The following DLG2 variants were observed in gnomAD, a reference collection of about 807,000 sequenced individuals.
DLG2 encodes disks large homolog 2.
DLG2 carries 45 observed loss-of-function variants against 132.5 expected under a neutral mutation model. The ratio of observed to expected loss-of-function variants is 0.34; its 90% CI spans 0.27 to 0.44. DLG2 has a LOEUF of 0.44. Ranked by LOEUF, DLG2 falls within the 20% of genes least tolerant of loss-of-function variation. The pLI is 1.00. For missense variants in DLG2, 1,045 were observed against 1,196.9 expected (o/e 0.87, Z 1.87); for synonymous variants, 424 against 419.6 (o/e 1.01, Z -0.13).
chr11:84,166,846 A>G (rs1460098676), intron 8 of DLG2: 1 of 510,460 alleles, frequency 2.0e-6, no homozygotes, highest in East Asian at 5.5e-5. Flanking sequence ...CTCATATAAT[A>G]TTCCCAATCA....
Position 84,579,193 on chromosome 11 carries a change from G to A in DLG2, c.358-44462C>T, listed in dbSNP as rs73509195. ...AATACACCTTGCATTATTCACGTGT[G>A]TGTGTGTGTGTGTGTGTGTGTGTGT... On this transcript the variant is annotated intron_variant, in intron 6 of 27. Transcript: ENST00000376104. 2.7e-3 allele frequency among the ~76,000 whole-genome samples: 316 copies of A among 116,778 alleles called. 3 individuals are homozygous for A. The highest frequency in any genetic ancestry group is 8.3e-3 in the African/African-American group (272 of 32,898). 76.6% of individuals were successfully genotyped at this position (116,778 alleles called of 152,430 possible).
intron 6 of DLG2, among the ~76,000 whole-genome samples, chr11:84,757,128 G>A (rs2066989903): frequency 6.6e-6 from 1 of 152,068 alleles, no homozygotes; most frequent in East Asian, 1.9e-4. Flanking sequence ...GTGTTTAGCA[G>A]GAATGAGCTA....
chr11:84,613,061 C>A (rs2099598117), intron 6 of DLG2, among the ~76,000 whole-genome samples: 1 of 152,114 alleles, frequency 6.6e-6, no homozygotes, highest in Non-Finnish European at 1.5e-5. Flanking sequence ...CTCTGTCCTG[C>A]ATTGCTCCGT....
chr11:84,223,287 T>A (rs2096941556), intron 8 of DLG2, among the ~76,000 whole-genome samples: 1 of 152,262 alleles, frequency 6.6e-6, no homozygotes, highest in Non-Finnish European at 1.5e-5. Context: ...TTGCCCTTGA[T>A]AAGACATTGA....
chr11:84,466,609 A>C (rs1197792466), intron 7 of DLG2, among the ~76,000 whole-genome samples: 1 of 151,384 alleles, frequency 6.6e-6, no homozygotes, highest in Non-Finnish European at 1.5e-5. Flanking sequence ...AGGTTGGTAA[A>C]AATTCTAATT....
At chr11:84,313,582 AAAGG>A (rs201234445) in intron 7 of DLG2, among the ~76,000 whole-genome samples, 20,429 of 139,810 alleles carry the variant, frequency 0.15, 1,993 homozygotes, top group East Asian at 0.21. Flanking sequence ...AGAGAGAGAG[AAAGG>A]AAGGAAGGAA....
At chr11:83,947,124 T>C (rs1025912086) in intron 14 of DLG2, among the ~76,000 whole-genome samples, 1 of 152,226 alleles carries the variant, frequency 6.6e-6, no homozygotes, top group African/African-American at 2.4e-5. Flanking sequence ...TGTGCTCATA[T>C]AATGATGGTC....
chr11:83,827,480 A>G (rs117179542), intron 17 of DLG2, among the ~76,000 whole-genome samples: 4,373 of 152,280 alleles, frequency 0.029, 79 homozygotes, highest in Non-Finnish European at 0.042. Flanking sequence ...CTAATTTGGA[A>G]ATCCAGTTAC....
chr11:85,614,115 A>G (rs2081186628), intron 2 of DLG2, among the ~76,000 whole-genome samples: 1 of 152,130 alleles, frequency 6.6e-6, no homozygotes, highest in Non-Finnish European at 1.5e-5. Flanking sequence ...GAACTGTAAC[A>G]CTCACCACGA....
At chr11:85,036,420 T>C (rs183405324) in intron 6 of DLG2, among the ~76,000 whole-genome samples, 280 of 152,334 alleles carry the variant, frequency 1.8e-3, no homozygotes, top group African/African-American at 6.4e-3. Context: ...CATTGGATTA[T>C]GCCTAACACG....
intron 6 of DLG2, among the ~76,000 whole-genome samples, chr11:84,542,147 G>GAGAGAGAGAGAA (rs1369058918): frequency 2.0e-5 from 3 of 152,062 alleles, no homozygotes; most frequent in Middle Eastern, 3.4e-3. Context: ...GAGAGAGAGA[G>GAGAGAGAGAGAA]AGAGAAAGAG....
intron 11 of DLG2, among the ~76,000 whole-genome samples, chr11:84,050,169 T>C (rs912379759): frequency 6.0e-5 from 9 of 150,620 alleles, no homozygotes; most frequent in Admixed American, 1.3e-4. Context: ...TTTTTTTTTT[T>C]TTACCAGGGG....
chr11:84,378,783 CA>C (rs57445837), intron 7 of DLG2, among the ~76,000 whole-genome samples: 77 of 142,802 alleles, frequency 5.4e-4, no homozygotes, highest in South Asian at 6.7e-4. Flanking sequence ...ACAAAAAATA[CA>C]AAAAAAAAAA....
chr11:84,069,146 GAA>G (rs1265054510), intron 10 of DLG2, among the ~76,000 whole-genome samples: 1 of 152,204 alleles, frequency 6.6e-6, no homozygotes, highest in Non-Finnish European at 1.5e-5. Context: ...GAGCAGGAGA[GAA>G]GAGTCACATT....
chr11:83,734,591 C>T (rs2091625545), intron 18 of DLG2, among the ~76,000 whole-genome samples: 1 of 152,094 alleles, frequency 6.6e-6, no homozygotes, highest in South Asian at 2.1e-4. Context: ...GCTGGGACTA[C>T]AGGCACAGGC....
chr11:83,732,913 T>A (rs1034938804), intron 18 of DLG2, among the ~76,000 whole-genome samples: 1 of 152,090 alleles, frequency 6.6e-6, no homozygotes, highest in Non-Finnish European at 1.5e-5. Flanking sequence ...CTGAACCACT[T>A]TCTGCACAGT....
rs563467864 is a variant in DLG2 at position 85,497,385 on chromosome 11, G to T, written c.40+101272C>A. ...AGGAGACAAGATTATAGAAAAAGGA[G>T]TGAAAAGAAAAGAACAAAGCCTCCA... On this transcript the variant is annotated intron_variant, in intron 3 of 27. Transcript: ENST00000376104. 2.0e-5 allele frequency among the ~76,000 whole-genome samples: 3 copies of T among 151,986 alleles called. No individual in the cohort carries two copies. In the South Asian group the frequency reaches 6.2e-4, roughly 32 times the overall value.
chr11:84,758,796 G>A (rs1376226174), intron 6 of DLG2, among the ~76,000 whole-genome samples: 1 of 152,118 alleles, frequency 6.6e-6, no homozygotes, highest in African/African-American at 2.4e-5. Context: ...AGAAGGTAAC[G>A]TAGATTCACT....
At chr11:83,706,227 A>C (rs1052408303) in intron 18 of DLG2, among the ~76,000 whole-genome samples, 7 of 151,834 alleles carry the variant, frequency 4.6e-5, no homozygotes, top group African/African-American at 1.7e-4. Flanking sequence ...AAAAAAAAAA[A>C]AAAACATTTT....
Sources: gnomAD v4.1 joint callset for allele counts (sites outside exome capture counted in the v4.1 genomes callset) on GRCh38, gnomAD v4.1.1 for gene constraint, MANE v1.5 for transcripts, NCBI Gene and HGNC (gene_info 2026-07-23, HGNC 2026-07-21) for gene names.